The following TNK1 variants were observed in gnomAD, a reference collection of about 807,000 sequenced individuals.
TNK1 encodes the protein tyrosine kinase non receptor 1, also known as non-receptor tyrosine-protein kinase TNK1.
A neutral mutation model predicts 65.2 loss-of-function variants in TNK1; 53 were observed. That is an observed-to-expected ratio of 0.81 (90% CI 0.65 to 1.02). The LOEUF (loss-of-function observed/expected upper bound fraction) is 1.02. TNK1 is among the 50% of genes least tolerant of loss of function. TNK1 has a pLI of 0.00. For synonymous variants in TNK1, 353 were observed against 364.6 expected (o/e 0.97, Z 0.36); for missense variants, 837 against 878.4 (o/e 0.95, Z 0.60).
At position 7,384,639 on chromosome 17, in the gene TNK1, G is replaced by A. The variant is rs1334604454; in HGVS notation, c.1022G>A (p.Arg341Gln). The change falls in exon 7 of 13, where the codon CGG becomes CAG. Residue 341 changes from arginine to glutamine, a missense_variant. By Grantham distance (43) the Arg-to-Gln change is conservative. Coordinates refer to ENST00000688331, the MANE Select transcript of TNK1 (RefSeq NM_003985.6). ...LILQRLEDRA[R>Q]LPRPPLCSRA... Reference sequence around the variant, plus strand: ...CTGCAGCGGCTGGAGGACAGAGCCCGGCTGCCTAGGCCTCCCCTCTGCTCC... The same window carrying A: ...CTGCAGCGGCTGGAGGACAGAGCCCAGCTGCCTAGGCCTCCCCTCTGCTCC... 3 of 1,609,176 alleles carry A rather than the reference G, an allele frequency of 1.9e-6. No homozygotes were observed. Among genetic ancestry groups the A allele is most frequent in the Admixed American group, 1.7e-5 (1 of 59,588 alleles).
chr17:7,381,592 T>C (rs1213857848), intron 1 of TNK1, among the ~76,000 whole-genome samples: 1 of 152,144 alleles, frequency 6.6e-6, no homozygotes, highest in Admixed American at 6.5e-5. Flanking sequence ...CTCAGGTAGG[T>C]GTGGGACTGT....
In TNK1 at chr17:7,383,928, C is replaced by A. The variant is rs757798766; in HGVS notation, c.583-42C>A. ...CGGCAGGAGCGTGGGCGGCCAGGGT[C>A]CAATGGGTCCGGCTCACGCGGCGCG... On this transcript the variant is annotated intron_variant, in intron 5 of 12. Transcript: ENST00000688331. 8 of 1,551,322 alleles carry A rather than the reference C, an allele frequency of 5.2e-6. No individual in the cohort carries two copies. In the South Asian group the frequency reaches 9.6e-5, roughly 19 times the overall value.
At chr17:7,385,559 AATT>A (rs1176974506) in intron 7 of TNK1, among the ~76,000 whole-genome samples, 1 of 133,318 alleles carries the variant, frequency 7.5e-6, no homozygotes, top group Non-Finnish European at 1.6e-5. Flanking sequence ...TGGATGAGGT[AATT>A]ATTATTAGTA....
rs536825259 is a variant in TNK1 at position 7,382,823 on chromosome 17, T to C, written c.-91-13T>C. 6 of 1,286,784 alleles carry C rather than the reference T, an allele frequency of 4.7e-6. No homozygotes were observed. Among genetic ancestry groups the C allele is most frequent in the South Asian group, 4.3e-5 (3 of 70,530 alleles). 79.7% of individuals were successfully genotyped at this position (1,286,784 alleles called of 1,614,324 possible). A position where few individuals can be genotyped will look rare whatever the true frequency, so the allele number is the denominator to read the frequency against. ...CCCTGCCTCTGTACCTGAGTGTTTC[T>C]AATGACTTGCAGGTGGAGCTGGAGA... On this transcript the variant is annotated splice_polypyrimidine_tract_variant and intron_variant, in intron 1 of 12. Transcript: ENST00000688331. The surrounding 1 kb of genome is among the most constrained non-coding windows in gnomAD (Gnocchi z 4.1).
At chr17:7,386,735 C>A in intron 8 of TNK1, 80 bp downstream of exon 8, 1 of 1,281,902 alleles carries the variant, frequency 7.8e-7, no homozygotes. Flanking sequence ...CTCTGCTTCT[C>A]TCCAGCTCCT....
rs1025065232 is a variant in TNK1, at chr17:7,384,017, C to T, written c.630C>T (p.Ala210=). 2 of 1,505,212 alleles carry T rather than the reference C, an allele frequency of 1.3e-6. No individual in the cohort carries two copies. The highest frequency in any genetic ancestry group is 1.4e-5 in the African/African-American group (1 of 71,958). 93.2% of individuals were successfully genotyped at this position (1,505,212 alleles called of 1,614,324 possible). ...GCTCCCTGCACGCGCGCCTAACGGC[C>T]CCGGCCCCGACACCCCCGCTGCTCG... ...PLGSLHARLT[A]PAPTPPLLVA... is the part of the protein sequence containing the mutation. The change falls in exon 6 of 13, where the codon GCC becomes GCT. Residue 210 remains alanine, a synonymous_variant. Transcript: ENST00000688331.
chr17:7,382,874 A>T lies in TNK1; in HGVS notation c.-53A>T. ...CCTGGTCTCTCTAGGGCCTACCCTG[A>T]GCTCACCATCTGAAGGAGAGTGCCA... On this transcript the variant is annotated 5_prime_UTR_variant, in exon 2 of 13. Transcript: ENST00000688331. This position sits in a 1 kb window ranked among gnomAD's most constrained non-coding sequence, Gnocchi z 4.1. 1.9e-6 allele frequency: 3 copies of T among 1,600,366 alleles called. No homozygotes were observed. The highest frequency in any genetic ancestry group is 2.6e-6 in the Non-Finnish European group (3 of 1,172,192).
rs1393063639 is a variant in TNK1, at chr17:7,384,072, C to T, written c.685C>T (p.Leu229=). The T allele has an allele frequency of 6.5e-7, 1 of 1,537,962 alleles. No individual in the cohort carries two copies. Among genetic ancestry groups the T allele is most frequent in the African/African-American group, 1.4e-5 (1 of 72,856 alleles). Residue 229 remains leucine (L), a synonymous_variant, in exon 6 of 13, where the codon CTG becomes TTG. Transcript: ENST00000688331. ...VALLCLFLRQ[L]AGAMAYLGAR... ...CCTGCTCTGCCTCTTCCTGCGGCAG[C>T]TGGCGGGAGCCATGGCGTACCTGGG...
At chr17:7,380,917 G>A (rs1228110142), upstream of TNK1, 1 of 152,276 alleles carries the variant, frequency 6.6e-6, no homozygotes, top group African/African-American at 2.4e-5. Context: ...GGGCGATCTG[G>A]TCTGGAGGAG....
In TNK1 at chr17:7,388,323, G is replaced by C. The variant is rs1023302486; in HGVS notation, c.1478-83G>C. Reference sequence around the variant, plus strand: ...ACCTATAGTCCCAGCTACTCGGGAGGCTGAGGTGGGAGGATCGCTTGAGCC... The same window carrying C: ...ACCTATAGTCCCAGCTACTCGGGAGCCTGAGGTGGGAGGATCGCTTGAGCC... On this transcript the variant is annotated intron_variant, in intron 10 of 12. Coordinates refer to ENST00000688331, the MANE Select transcript of TNK1 (RefSeq NM_003985.6). This position sits in a 1 kb window ranked among gnomAD's most constrained non-coding sequence, Gnocchi z 4.5. The C allele has an allele frequency of 8.5e-6, 12 of 1,407,172 alleles. No individual in the cohort carries two copies. Among genetic ancestry groups the C allele is most frequent in the Admixed American group, 2.3e-5 (1 of 43,888 alleles). 87.2% of individuals were successfully genotyped at this position (1,407,172 alleles called of 1,614,324 possible).
chr17:7,387,373 G>A lies in TNK1; in HGVS notation c.1398-5G>A, dbSNP rs578138171. The A allele has an allele frequency of 2.6e-5, 41 of 1,600,508 alleles. No individual in the cohort carries two copies. Among genetic ancestry groups the A allele is most frequent in the South Asian group, 1.2e-4 (11 of 88,530 alleles). On this transcript the variant is annotated splice_polypyrimidine_tract_variant and splice_region_variant and intron_variant, in intron 9 of 12. Coordinates refer to ENST00000688331, the MANE Select transcript of TNK1 (RefSeq NM_003985.6). ...TGGAGGATGAACTGGATCCCTCTCCGACAGAGACAGAAAGAAGGCAAATCT... is the reference window on the plus strand; with the variant it reads ...TGGAGGATGAACTGGATCCCTCTCCAACAGAGACAGAAAGAAGGCAAATCT...
At chr17:7,381,009 A>T (rs1253738639), upstream of TNK1, 1 of 152,178 alleles carries the variant, frequency 6.6e-6, no homozygotes, top group Non-Finnish European at 1.5e-5. Flanking sequence ...GCCCCGGGCC[A>T]GCGGCCAGGT....
chr17:7,388,704 G>A lies in TNK1; in HGVS notation c.1776G>A (p.Glu592=), dbSNP rs752751063. ...SDPELQRKIM[E]VELSVHGVTH... ...CTGAGTTGCAGAGGAAGATTATGGA[G>A]GTGAGGTCTCACTGAAATGGCCTGG... is the stretch of plus-strand genomic sequence containing the variant. The change falls in exon 11 of 13, where the codon GAG becomes GAA. Residue 592 remains glutamate, a splice_region_variant and synonymous_variant. Coordinates refer to ENST00000688331, the MANE Select transcript of TNK1 (RefSeq NM_003985.6). This position sits in a 1 kb window ranked among gnomAD's most constrained non-coding sequence, Gnocchi z 4.5. 1.9e-6 allele frequency: 3 copies of A among 1,612,122 alleles called. No individual in the cohort carries two copies. Among genetic ancestry groups the A allele is most frequent in the East Asian group, 4.5e-5 (2 of 44,876 alleles).
intron 1 of TNK1, among the ~76,000 whole-genome samples, chr17:7,381,883 T>A (rs899865302): frequency 1.3e-5 from 2 of 152,246 alleles, no homozygotes; most frequent in African/African-American, 4.8e-5. Flanking sequence ...GTCCCATGGA[T>A]GTGACACGTA....
Position 7,383,019 on chromosome 17 carries a change from T to C in TNK1, c.93T>C (p.Asn31=), listed in dbSNP as rs1904914230. 6.2e-7 allele frequency: 1 copy of C among 1,614,052 alleles called. No homozygotes were observed. The highest frequency in any genetic ancestry group is 8.5e-7 in the Non-Finnish European group (1 of 1,179,906). Residue 31 remains asparagine, a synonymous_variant, in exon 2 of 13, where the codon AAT becomes AAC. Transcript: ENST00000688331. ...QFYWPILEEL[N]VTRPEHFDFV... ...ACTGGCCCATCCTTGAGGAGCTTAA[T>C]GTCACTCGGCCAGAGCACTTCGACT...
In TNK1 at chr17:7,383,279, A is replaced by C; in HGVS notation, c.193A>C (p.Arg65=). The C allele has an allele frequency of 1.9e-6, 3 of 1,614,004 alleles. No individual in the cohort carries two copies. The highest frequency in any genetic ancestry group is 2.5e-6 in the Non-Finnish European group (3 of 1,179,898). ...GCGCAGACTGTCCGAAGCTCTGAAAAGGCTACGTTCTGGGCCTAAGTCTAA... is the reference window on the plus strand; with the variant it reads ...GCGCAGACTGTCCGAAGCTCTGAAACGGCTACGTTCTGGGCCTAAGTCTAA... ...AQRRLSEALK[R]LRSGPKSKNW... The change falls in exon 3 of 13, where the codon AGG becomes CGG. Residue 65 remains arginine, a synonymous_variant. Coordinates refer to ENST00000688331, the MANE Select transcript of TNK1 (RefSeq NM_003985.6).
Position 7,383,289 on chromosome 17 carries a change from C to T in TNK1, c.203C>T (p.Ser68Phe). Reference protein sequence around the residue: ...RLSEALKRLRSGPKSKNWVYK... With the variant: ...RLSEALKRLRFGPKSKNWVYK... ...TCCGAAGCTCTGAAAAGGCTACGTT[C>T]TGGGCCTAAGTCTAAGAACTGGGTC... is the stretch of plus-strand genomic sequence containing the variant. The change falls in exon 3 of 13, where the codon TCT becomes TTT. Residue 68 changes from serine to phenylalanine, a missense_variant. Transcript: ENST00000688331. 1.9e-6 allele frequency: 3 copies of T among 1,614,038 alleles called. No homozygotes were observed. The highest frequency in any genetic ancestry group is 2.5e-6 in the Non-Finnish European group (3 of 1,179,898).
In TNK1 at chr17:7,383,999, G is replaced by A; in HGVS notation, c.612G>A (p.Leu204=). 1 of 1,497,072 alleles carries A rather than the reference G, an allele frequency of 6.7e-7. No individual in the cohort carries two copies. Among genetic ancestry groups the A allele is most frequent in the Non-Finnish European group, 8.9e-7 (1 of 1,126,718 alleles). The allele number at this position is 1,497,072 out of a possible 1,614,324, so 92.7% of individuals were successfully genotyped here. The change falls in exon 6 of 13, where the codon CTG becomes CTA. Residue 204 remains leucine (L), a synonymous_variant. Coordinates refer to ENST00000688331, the MANE Select transcript of TNK1 (RefSeq NM_003985.6). ...MVMELAPLGS[L]HARLTAPAPT... ...TGGAGCTGGCGCCACTGGGCTCCCT[G>A]CACGCGCGCCTAACGGCCCCGGCCC... is the stretch of plus-strand genomic sequence containing the variant.
chr17:7,385,469 A>G (rs1351621470), intron 7 of TNK1, among the ~76,000 whole-genome samples: 2 of 152,122 alleles, frequency 1.3e-5, no homozygotes, highest in Non-Finnish European at 2.9e-5. Flanking sequence ...CACGTAGAGC[A>G]CTTGACCTGT....
Sources: allele counts gnomAD v4.1 joint callset (sites outside exome capture counted in the v4.1 genomes callset), GRCh38; gene constraint gnomAD v4.1.1; non-coding constraint Gnocchi (gnomAD v3.1); transcripts MANE v1.5; gene names NCBI Gene and HGNC (gene_info 2026-07-23, HGNC 2026-07-21).